Variants in GALNT13 observed in about 807,000 individuals in gnomAD.
GALNT13 encodes the protein polypeptide N-acetylgalactosaminyltransferase 13, also known as UDP-GalNAc:polypeptide N-acetylgalactosaminyltransferase 13.
A neutral mutation model predicts 64.2 loss-of-function variants in GALNT13; 28 were observed. That is an observed-to-expected ratio of 0.44 (90% confidence interval 0.32 to 0.60). GALNT13 has a LOEUF of 0.60. Among genes scored for constraint, GALNT13 ranks in the 20% least tolerant of loss-of-function variants. The probability of loss-of-function intolerance (pLI) is 0.05; values close to 1 mark genes in which losing one functional copy is unlikely to be tolerated. For missense variants in GALNT13, 577 were observed against 669.8 expected (o/e 0.86, Z 1.53); for synonymous variants, 214 against 224.6 (o/e 0.95, Z 0.42).
the GALNT13 span, among the ~76,000 whole-genome samples, chr2:153,830,043 A>G: frequency 6.6e-6 from 1 of 152,168 alleles, no homozygotes; most frequent in Admixed American, 6.5e-5. Context: ...GAAAGTTTTA[A>G]AAGTATTTTT....
chr2:153,756,636 T>C, the GALNT13 span, among the ~76,000 whole-genome samples: 1 of 152,094 alleles, frequency 6.6e-6, no homozygotes, highest in East Asian at 1.9e-4. Context: ...CTTTATCTTT[T>C]AATTATGAGA....
At chr2:153,778,595 C>G in the GALNT13 span, among the ~76,000 whole-genome samples, 2 of 152,174 alleles carry the variant, frequency 1.3e-5, no homozygotes, top group Admixed American at 1.3e-4. Context: ...ACCTACTAAA[C>G]TCTATTTACA....
At chr2:154,298,452 T>G (rs1693068493) in intron 8 of GALNT13, among the ~76,000 whole-genome samples, 1 of 135,368 alleles carries the variant, frequency 7.4e-6, no homozygotes, top group African/African-American at 2.8e-5. Context: ...ATATATAATT[T>G]ATATATACAT....
intron 11 of GALNT13, among the ~76,000 whole-genome samples, chr2:154,420,730 T>C (rs1170698493): frequency 6.6e-6 from 1 of 152,126 alleles, no homozygotes; most frequent in Non-Finnish European, 1.5e-5. Flanking sequence ...TTTTAAGCAC[T>C]CTATAATAGA....
Position 154,051,331 on chromosome 2 carries a change from C to T in GALNT13, c.143-89006C>T, listed in dbSNP as rs7570111. 3.8e-3 allele frequency among the ~76,000 whole-genome samples: 551 copies of T among 143,738 alleles called. 1 individual carries two copies. The highest frequency in any genetic ancestry group is 0.013 in the African/African-American group (516 of 38,372). The allele number at this position is 143,738 out of a possible 152,430, so 94.3% of individuals were successfully genotyped here. A position where few individuals can be genotyped will look rare whatever the true frequency, so the allele number is the denominator to read the frequency against. On this transcript the variant is annotated intron_variant, in intron 3 of 12. Transcript: ENST00000392825. ...CGGAGTCTCGCTCTGTCGCCCAGGC[C>T]GGACTGCGGACTGCAGTGGCGCAAT...
chr2:153,267,141 A>T, the GALNT13 span, among the ~76,000 whole-genome samples: 1 of 152,198 alleles, frequency 6.6e-6, no homozygotes, highest in Non-Finnish European at 1.5e-5. Flanking sequence ...TCACATCCAG[A>T]TTGCACTGGT....
At chr2:153,945,792 G>T (rs1691693979) in intron 3 of GALNT13, among the ~76,000 whole-genome samples, 1 of 152,220 alleles carries the variant, frequency 6.6e-6, no homozygotes, top group East Asian at 1.9e-4. Flanking sequence ...CTTTAGACAT[G>T]TTGAGTTTGC....
chr2:153,910,749 T>A (rs1203655469), intron 2 of GALNT13, among the ~76,000 whole-genome samples: 1 of 152,118 alleles, frequency 6.6e-6, no homozygotes, highest in African/African-American at 2.4e-5. Context: ...TTTGAGTGAT[T>A]TTCTTGAATT....
chr2:153,280,820 G>A, the GALNT13 span, among the ~76,000 whole-genome samples: 1 of 152,176 alleles, frequency 6.6e-6, no homozygotes, highest in African/African-American at 2.4e-5. Flanking sequence ...ACATGCAGAT[G>A]AGAAGAATTT....
chr2:153,401,158 T>G, the GALNT13 span, among the ~76,000 whole-genome samples: 3 of 152,224 alleles, frequency 2.0e-5, no homozygotes, highest in African/African-American at 7.2e-5. Context: ...AGAATATCTT[T>G]ATTTCTGCCT....
chr2:153,455,987 CCT>C, the GALNT13 span, among the ~76,000 whole-genome samples: 2 of 152,092 alleles, frequency 1.3e-5, no homozygotes, highest in Non-Finnish European at 2.9e-5. Flanking sequence ...GAAGTCCGGC[CCT>C]CTCCAGCCAA....
chr2:153,615,320 A>G, the GALNT13 span, among the ~76,000 whole-genome samples: 2 of 152,078 alleles, frequency 1.3e-5, no homozygotes, highest in African/African-American at 4.8e-5. Context: ...ATTGTAAACA[A>G]TGCTGCAACA....
chr2:154,434,013 A>G (rs1023980035), intron 11 of GALNT13, among the ~76,000 whole-genome samples: 4 of 152,208 alleles, frequency 2.6e-5, no homozygotes, highest in African/African-American at 9.6e-5. Flanking sequence ...ATTAGGACAC[A>G]TGCAAACAGA....
chr2:154,366,725 G>C (rs537871324), intron 9 of GALNT13, among the ~76,000 whole-genome samples: 15 of 152,282 alleles, frequency 9.9e-5, no homozygotes, highest in African/African-American at 3.6e-4. Context: ...CTGTATGATG[G>C]ACAGAAACAG....
the GALNT13 span, among the ~76,000 whole-genome samples, chr2:153,293,244 A>T: frequency 6.6e-6 from 1 of 152,170 alleles, no homozygotes; most frequent in Non-Finnish European, 1.5e-5. Context: ...GGCAAAGTGC[A>T]CTTTGCAGAC....
chr2:154,159,944 C>T (rs528613823), intron 4 of GALNT13, among the ~76,000 whole-genome samples: 2 of 152,140 alleles, frequency 1.3e-5, no homozygotes, highest in African/African-American at 2.4e-5. Context: ...CCTCTTCAAT[C>T]CTTAAATTAT....
chr2:153,754,214 C>T, the GALNT13 span, among the ~76,000 whole-genome samples: 1 of 152,278 alleles, frequency 6.6e-6, no homozygotes, highest in South Asian at 2.1e-4. Flanking sequence ...AGGCTAGTAC[C>T]TAAGGTGCAA....
At chr2:153,592,266 G>A in the GALNT13 span, among the ~76,000 whole-genome samples, 35,074 of 151,982 alleles carry the variant, frequency 0.23, 4,714 homozygotes, top group African/African-American at 0.37. Flanking sequence ...CTCTCTGGAA[G>A]ACAGTATAGA....
chr2:154,163,956 C>G (rs1684881203), intron 4 of GALNT13, among the ~76,000 whole-genome samples: 1 of 152,086 alleles, frequency 6.6e-6, no homozygotes. Flanking sequence ...TCCAAGATTT[C>G]TTCTAGCTGT....
Sources: gnomAD v4.1 joint callset for allele counts (sites outside exome capture counted in the v4.1 genomes callset) on GRCh38, gnomAD v4.1.1 for gene constraint, MANE v1.5 for transcripts, NCBI Gene and HGNC (gene_info 2026-07-23, HGNC 2026-07-21) for gene names.